The following LRRC7 variants were observed in gnomAD, a reference collection of about 807,000 sequenced individuals.
The protein encoded by LRRC7 is leucine rich repeat containing 7.
Under a neutral mutation model 175.7 loss-of-function variants are expected in LRRC7, and 23 were observed. The observed-to-expected ratio is 0.13, with a 90% CI of 0.09 to 0.19. The LOEUF is 0.19. LRRC7 is among the 10% of genes least tolerant of loss of function. The probability of loss-of-function intolerance (pLI) is 1.00; values close to 1 mark genes in which losing one functional copy is unlikely to be tolerated. For missense variants in LRRC7, 1,354 were observed against 1,904.7 expected (o/e 0.71, Z 5.38); for synonymous variants, 685 against 680.9 (o/e 1.01, Z -0.09).
chr1:69,829,271 C>G (rs1557782392), intron 5 of LRRC7, among the ~76,000 whole-genome samples: 1 of 151,842 alleles, frequency 6.6e-6, no homozygotes, highest in African/African-American at 2.4e-5. Flanking sequence ...CTTCTGATAT[C>G]AATACATGTG....
intron 7 of LRRC7, among the ~76,000 whole-genome samples, chr1:69,924,300 C>T (rs1293920273): frequency 6.6e-6 from 1 of 151,848 alleles, no homozygotes; most frequent in African/African-American, 2.4e-5. Flanking sequence ...TTTTTTGGTT[C>T]CATATGAACT....
chr1:69,750,061 AAAATAAAT>A (rs368323946), intron 2 of LRRC7, among the ~76,000 whole-genome samples: 12 of 139,128 alleles, frequency 8.6e-5, no homozygotes, highest in African/African-American at 1.3e-4. Flanking sequence ...CTATGTCTCA[AAAATAAAT>A]AAATAAATAA....
At chr1:69,645,618 G>C (rs1164773284) in intron 1 of LRRC7, among the ~76,000 whole-genome samples, 1 of 151,976 alleles carries the variant, frequency 6.6e-6, no homozygotes, top group Non-Finnish European at 1.5e-5. Context: ...GTCTTTGTTT[G>C]AACTGCTCTT....
intron 7 of LRRC7, among the ~76,000 whole-genome samples, chr1:69,853,470 G>T (rs1302650097): frequency 6.6e-6 from 1 of 151,360 alleles, no homozygotes; most frequent in East Asian, 1.9e-4. Flanking sequence ...GTAGAGATGG[G>T]GTTTCACCAT....
intron 7 of LRRC7, among the ~76,000 whole-genome samples, chr1:69,844,957 C>G (rs1282098021): frequency 6.6e-6 from 1 of 152,100 alleles, no homozygotes; most frequent in Non-Finnish European, 1.5e-5. Flanking sequence ...GAAGAATTTG[C>G]ACTTCCATAC....
chr1:69,701,603 G>A (rs990244229), intron 2 of LRRC7, among the ~76,000 whole-genome samples: 23 of 152,148 alleles, frequency 1.5e-4, no homozygotes, highest in Admixed American at 3.3e-4. Flanking sequence ...TTATGAATTC[G>A]TGTTCCTTGA....
chr1:69,588,806 T>A (rs546115080), intron 1 of LRRC7, among the ~76,000 whole-genome samples: 1 of 152,206 alleles, frequency 6.6e-6, no homozygotes, highest in Non-Finnish European at 1.5e-5. Flanking sequence ...AATTCTGATG[T>A]GACAAAATAT....
At chr1:69,834,498 G>A (rs1680890256) in intron 5 of LRRC7, among the ~76,000 whole-genome samples, 1 of 152,088 alleles carries the variant, frequency 6.6e-6, no homozygotes, top group Non-Finnish European at 1.5e-5. Flanking sequence ...GCGTGCATAA[G>A]GTTAGGCCAG....
At chr1:69,707,271 A>G (rs1396096136) in intron 2 of LRRC7, among the ~76,000 whole-genome samples, 1 of 152,140 alleles carries the variant, frequency 6.6e-6, no homozygotes, top group Non-Finnish European at 1.5e-5. Flanking sequence ...CTGTAAGTAC[A>G]GAGGAGAGAA....
At chr1:69,927,876 G>C (rs1356416679) in intron 7 of LRRC7, among the ~76,000 whole-genome samples, 2 of 152,192 alleles carry the variant, frequency 1.3e-5, no homozygotes, top group African/African-American at 2.4e-5. Context: ...TGGAGGAGGA[G>C]AGGCGCTCTG....
intron 3 of LRRC7, among the ~76,000 whole-genome samples, chr1:69,778,725 C>G (rs192147602): frequency 6.6e-6 from 1 of 152,054 alleles, no homozygotes; most frequent in Non-Finnish European, 1.5e-5. Context: ...TTATAATCTA[C>G]TGATTAGCAC....
At chr1:70,065,742 G>C (rs2102097982) in intron 23 of LRRC7, among the ~76,000 whole-genome samples, 1 of 151,984 alleles carries the variant, frequency 6.6e-6, no homozygotes, top group East Asian at 1.9e-4. Context: ...TGCAGAGTAA[G>C]TAGTATCATC....
At chr1:69,989,501 A>G (rs1052047214) in intron 10 of LRRC7, among the ~76,000 whole-genome samples, 1 of 152,162 alleles carries the variant, frequency 6.6e-6, no homozygotes, top group African/African-American at 2.4e-5. Context: ...AAAGTATGAT[A>G]TAGTCAGGTA....
At chr1:70,026,853 A>G (rs1416162520) in intron 17 of LRRC7, among the ~76,000 whole-genome samples, 5 of 152,178 alleles carry the variant, frequency 3.3e-5, no homozygotes, top group Non-Finnish European at 7.3e-5. Flanking sequence ...ATGAGAAAAA[A>G]TGAGCCACAA....
chr1:69,943,753 T>G (rs966911280), intron 8 of LRRC7, among the ~76,000 whole-genome samples: 3 of 152,000 alleles, frequency 2.0e-5, no homozygotes, highest in Non-Finnish European at 4.4e-5. Context: ...TTCATTAACT[T>G]CAAGGTAAAC....
Position 69,678,878 on chromosome 1 carries a change from C to A in LRRC7, c.100+400C>A, listed in dbSNP as rs114430153. ...CCATTTAGCCACAGGGCTCTTTTAA[C>A]ATTTTTTTTAACTGAGAACTTTTTA... is the stretch of plus-strand genomic sequence containing the variant. On this transcript the variant is annotated intron_variant, in intron 2 of 26. Coordinates refer to ENST00000651989, the MANE Select transcript of LRRC7 (RefSeq NM_001370785.2). Among the ~76,000 whole-genome samples, 1,051 of 152,166 alleles carry A rather than the reference C, an allele frequency of 6.9e-3. 5 individuals carry two copies. The highest frequency in any genetic ancestry group is 0.024 in the African/African-American group (996 of 41,540).
intron 2 of LRRC7, among the ~76,000 whole-genome samples, chr1:69,754,494 T>C (rs1196581481): frequency 6.6e-6 from 1 of 152,032 alleles, no homozygotes; most frequent in East Asian, 1.9e-4. Context: ...TGCTGTTTGC[T>C]GAGATTGGTA....
At chr1:69,627,230 C>A (rs566205076) in intron 1 of LRRC7, among the ~76,000 whole-genome samples, 2 of 152,270 alleles carry the variant, frequency 1.3e-5, no homozygotes, top group Admixed American at 6.5e-5. Context: ...TCCTCTCCAG[C>A]ACCTGTTGTT....
chr1:69,671,646 G>A (rs1659091735), intron 1 of LRRC7, among the ~76,000 whole-genome samples: 1 of 152,160 alleles, frequency 6.6e-6, no homozygotes. Context: ...TTTAGCCCAT[G>A]GTAGTGAGGC....
Sources: gnomAD v4.1 joint callset for allele counts (sites outside exome capture counted in the v4.1 genomes callset) on GRCh38, gnomAD v4.1.1 for gene constraint, MANE v1.5 for transcripts, NCBI Gene and HGNC (gene_info 2026-07-23, HGNC 2026-07-21) for gene names.